OR6N1: variants seen among roughly 807,000 people sequenced by gnomAD.
OR6N1 encodes olfactory receptor 6N1.
For missense variants in OR6N1, 394 were observed against 371.7 expected (o/e 1.06, Z -0.49); for synonymous variants, 170 against 150.7 (o/e 1.13, Z -0.94).
chr1:158,769,002 C>T (rs1657346480), intron 1 of OR6N1, among the ~76,000 whole-genome samples: 1 of 151,890 alleles, frequency 6.6e-6, no homozygotes, highest in Non-Finnish European at 1.5e-5. Context: ...ATGTCAAGTG[C>T]CTAGAGCCAT....
At chr1:158,799,881 T>C in the OR6N1 span, among the ~76,000 whole-genome samples, 3 of 152,078 alleles carry the variant, frequency 2.0e-5, no homozygotes, top group South Asian at 2.1e-4. Context: ...TATGGGAAGA[T>C]AGGGCCCTAG....
At chr1:158,799,098 T>G in the OR6N1 span, among the ~76,000 whole-genome samples, 2 of 152,214 alleles carry the variant, frequency 1.3e-5, no homozygotes, top group South Asian at 4.1e-4. Context: ...CTAATTTAGT[T>G]GATCTGAAAT....
At chr1:158,768,331 A>G (rs1216412839) in intron 1 of OR6N1, among the ~76,000 whole-genome samples, 1 of 152,152 alleles carries the variant, frequency 6.6e-6, no homozygotes, top group African/African-American at 2.4e-5. Context: ...GGAGTCGAAG[A>G]GCCATCTCAA....
At chr1:158,823,931 G>T in the OR6N1 span, among the ~76,000 whole-genome samples, 1 of 152,102 alleles carries the variant, frequency 6.6e-6, no homozygotes, top group Non-Finnish European at 1.5e-5. Flanking sequence ...TTCATTTTAA[G>T]GAATTTCTCA....
chr1:158,809,857 G>T, the OR6N1 span, among the ~76,000 whole-genome samples: 1 of 152,124 alleles, frequency 6.6e-6, no homozygotes, highest in South Asian at 2.1e-4. Flanking sequence ...TCCTAGGCCC[G>T]TGGTGCCTGA....
At chr1:158,821,418 A>G in the OR6N1 span, among the ~76,000 whole-genome samples, 1 of 152,210 alleles carries the variant, frequency 6.6e-6, no homozygotes, top group East Asian at 1.9e-4. Flanking sequence ...CCACCATTAT[A>G]GTATCATATA....
chr1:158,785,120 G>A, the OR6N1 span, among the ~76,000 whole-genome samples: 1 of 152,086 alleles, frequency 6.6e-6, no homozygotes, highest in African/African-American at 2.4e-5. Flanking sequence ...AACATATTCA[G>A]TTCACTTAAT....
At chr1:158,819,196 G>A in the OR6N1 span, among the ~76,000 whole-genome samples, 15 of 152,212 alleles carry the variant, frequency 9.9e-5, no homozygotes, top group Non-Finnish European at 2.1e-4. Context: ...CCTCTTTCTC[G>A]CTCAATTAAT....
chr1:158,778,142 C>T, the OR6N1 span, among the ~76,000 whole-genome samples: 1 of 152,154 alleles, frequency 6.6e-6, no homozygotes, highest in Non-Finnish European at 1.5e-5. Flanking sequence ...AAATATTTTC[C>T]TATTGTTCAA....
the OR6N1 span, among the ~76,000 whole-genome samples, chr1:158,789,754 T>C: frequency 6.6e-6 from 1 of 152,240 alleles, no homozygotes; most frequent in Non-Finnish European, 1.5e-5. Flanking sequence ...GTCAGATAGA[T>C]AGTTTGCAAA....
chr1:158,794,332 G>A, the OR6N1 span, among the ~76,000 whole-genome samples: 672 of 152,192 alleles, frequency 4.4e-3, 4 homozygotes, highest in African/African-American at 0.015. Flanking sequence ...TCCCATAAGC[G>A]GAAAGTTCAG....
chr1:158,825,773 G>A, the OR6N1 span, among the ~76,000 whole-genome samples: 5 of 152,194 alleles, frequency 3.3e-5, no homozygotes, highest in South Asian at 1.0e-3. Flanking sequence ...TCCCATTATT[G>A]GGTACATACC....
chr1:158,823,489 G>A, the OR6N1 span, among the ~76,000 whole-genome samples: 1 of 151,988 alleles, frequency 6.6e-6, no homozygotes, highest in Non-Finnish European at 1.5e-5. Context: ...TTTCTAGTTT[G>A]TGTGCATAAG....
chr1:158,808,161 G>C, the OR6N1 span, among the ~76,000 whole-genome samples: 8 of 111,194 alleles, frequency 7.2e-5, no homozygotes, highest in Admixed American at 8.8e-4. Context: ...TTTTTAAGAC[G>C]GAGTCTTGCT....
chr1:158,783,470 C>T, the OR6N1 span, among the ~76,000 whole-genome samples: 7 of 152,320 alleles, frequency 4.6e-5, no homozygotes, highest in Middle Eastern at 6.8e-3. Context: ...TCGTAGAATA[C>T]ATTCCTCTTC....
intron 1 of OR6N1, among the ~76,000 whole-genome samples, 191 bp from the exon 2 acceptor site, chr1:158,766,891 T>C (rs1273348428): frequency 6.6e-6 from 1 of 152,156 alleles, no homozygotes; most frequent in Non-Finnish European, 1.5e-5. Flanking sequence ...TCCTTCAGAC[T>C]ATTCACCTTT....
the OR6N1 span, among the ~76,000 whole-genome samples, chr1:158,786,284 A>C: frequency 2.2e-4 from 34 of 152,182 alleles, no homozygotes; most frequent in Admixed American, 7.9e-4. Context: ...GCAAATTAAA[A>C]CCGTAATGAG....
At position 158,766,566 on chromosome 1, in the gene OR6N1, C is replaced by T; in HGVS notation, c.117G>A (p.Val39=). ...LLLLLIYLMT[V]LGNLLIFLVV... is the part of the protein sequence containing the mutation. ...CCAGGAATATCAGCAGGTTTCCCAA[C>T]ACAGTCATGAGGTAAATGAGAAGCA... Residue 39 remains valine (V), a synonymous_variant, in exon 2 of 2, where the codon GTG becomes GTA. Transcript: ENST00000641846. 6.2e-7 allele frequency: 1 copy of T among 1,614,006 alleles called. No individual in the cohort carries two copies. The highest frequency in any genetic ancestry group is 8.5e-7 in the Non-Finnish European group (1 of 1,180,020).
the OR6N1 span, among the ~76,000 whole-genome samples, chr1:158,805,538 G>A: frequency 8.0e-3 from 1,210 of 152,186 alleles, 8 homozygotes; most frequent in Non-Finnish European, 0.012. Context: ...CCATTCATAG[G>A]GTGTGTGTTA....
Sources: allele counts gnomAD v4.1 joint callset (sites outside exome capture counted in the v4.1 genomes callset), GRCh38; gene constraint gnomAD v4.1.1; transcripts MANE v1.5; gene names NCBI Gene and HGNC (gene_info 2026-07-23, HGNC 2026-07-21).